The following SRGAP3 variants were observed in gnomAD, a reference collection of about 807,000 sequenced individuals.
The protein encoded by SRGAP3 is SLIT-ROBO Rho GTPase-activating protein 3.
In SRGAP3, 39 loss-of-function variants were observed where a neutral mutation model predicts 121.1. That is an observed-to-expected ratio of 0.32 (90% CI 0.25 to 0.42). SRGAP3 has a LOEUF of 0.42. SRGAP3 is among the 10% of genes least tolerant of loss of function. The pLI, the probability that SRGAP3 is intolerant of heterozygous loss-of-function variation, is 1.00. For missense variants in SRGAP3, 1,213 were observed against 1,470.6 expected (o/e 0.82, Z 2.86); for synonymous variants, 601 against 570.0 (o/e 1.05, Z -0.77).
chr3:9,027,563 T>G (rs1231932035), intron 12 of SRGAP3, among the ~76,000 whole-genome samples: 1 of 152,158 alleles, frequency 6.6e-6, no homozygotes, highest in Non-Finnish European at 1.5e-5. Context: ...AGTAAACATG[T>G]CACAGGGAAA....
chr3:9,286,738 G>C (rs1027323280), intron 3 of SRGAP3, among the ~76,000 whole-genome samples: 2 of 149,652 alleles, frequency 1.3e-5, no homozygotes, highest in South Asian at 4.3e-4. Context: ...GAGTAGCTGG[G>C]ACTACAGGCG....
At position 9,322,449 on chromosome 3, in the gene SRGAP3, GGCC is replaced by G. The variant is rs531587351; in HGVS notation, n.442+3558_442+3560del. Among the ~76,000 whole-genome samples, 37 of 151,878 alleles carry G rather than the reference GGCC, an allele frequency of 2.4e-4. 1 individual carries two copies. In the East Asian group the frequency reaches 6.8e-3, roughly 28 times the overall value. On this transcript the variant is annotated intron_variant and non_coding_transcript_variant, in intron 3 of 3. Transcript: ENST00000490889. ...TTAATACAGGGGTCCCCAACCCCTG[GGCC>G]GTGGACTGGTGCCAGTCCCCGTGGC...
chr3:9,347,834 T>C (rs1955934789), intron 1 of SRGAP3, among the ~76,000 whole-genome samples: 1 of 152,216 alleles, frequency 6.6e-6, no homozygotes, highest in African/African-American at 2.4e-5. Flanking sequence ...CGACAGGGAT[T>C]CTGTAATGTT....
chr3:9,232,614 C>G (rs930488685), intron 1 of SRGAP3, among the ~76,000 whole-genome samples: 57 of 152,102 alleles, frequency 3.7e-4, no homozygotes, highest in African/African-American at 1.3e-3. Flanking sequence ...ATTAAATGTT[C>G]TTTTGCTTTC....
In SRGAP3 at chr3:9,239,712, G is replaced by A. The variant is rs552815583; in HGVS notation, c.67+9173C>T. 6.6e-6 allele frequency among the ~76,000 whole-genome samples: 1 copy of A among 152,304 alleles called. No homozygotes were observed. Among genetic ancestry groups the A allele is most frequent in the African/African-American group, 2.4e-5 (1 of 41,560 alleles). ...ATTTAAATCAATGGTTGAGCACTCT[G>A]TAATTGGAAATGTCAAAATCCACAT... On this transcript the variant is annotated intron_variant, in intron 1 of 21. Coordinates refer to ENST00000383836, the MANE Select transcript of SRGAP3 (RefSeq NM_014850.4). This position sits in a 1 kb window ranked among gnomAD's most constrained non-coding sequence, Gnocchi z 4.0.
intron 3 of SRGAP3, among the ~76,000 whole-genome samples, chr3:9,297,587 G>C (rs1306895326): frequency 6.6e-6 from 1 of 151,888 alleles, no homozygotes; most frequent in Non-Finnish European, 1.5e-5. Flanking sequence ...AACATGACCT[G>C]TTTCCTTAAA....
intron 1 of SRGAP3, among the ~76,000 whole-genome samples, chr3:9,201,371 T>C (rs536718886): frequency 6.6e-6 from 1 of 152,232 alleles, no homozygotes; most frequent in Non-Finnish European, 1.5e-5. Flanking sequence ...AGGCAGATGT[T>C]CAGCCAAATT....
chr3:9,306,245 C>T (rs1182669879), intron 3 of SRGAP3, among the ~76,000 whole-genome samples: 1 of 152,172 alleles, frequency 6.6e-6, no homozygotes, highest in East Asian at 1.9e-4. Context: ...CCTTTGCCCA[C>T]TTTTTGATGG....
At chr3:9,291,525 T>C (rs1262933814) in intron 3 of SRGAP3, among the ~76,000 whole-genome samples, 2 of 152,084 alleles carry the variant, frequency 1.3e-5, no homozygotes, top group African/African-American at 4.8e-5. Flanking sequence ...CAATGGTGTA[T>C]ATATCTATGG....
At chr3:9,295,520 G>T (rs930959267) in intron 3 of SRGAP3, among the ~76,000 whole-genome samples, 5 of 152,110 alleles carry the variant, frequency 3.3e-5, no homozygotes, top group Non-Finnish European at 5.9e-5. Flanking sequence ...CATCCTGAGA[G>T]CCCACTAAAA....
In SRGAP3 at chr3:9,013,501, G is replaced by A; in HGVS notation, c.1954C>T (p.Pro652Ser). 1 of 1,614,126 alleles carries A rather than the reference G, an allele frequency of 6.2e-7. No individual in the cohort carries two copies. Among genetic ancestry groups the A allele is most frequent in the Non-Finnish European group, 8.5e-7 (1 of 1,180,026 alleles). The change falls in exon 17 of 22, where the codon CCC (proline) becomes TCC (serine). Residue 652 changes from proline to serine, a missense_variant. By Grantham distance (74) the Pro-to-Ser change is moderately conservative. Transcript: ENST00000383836. The stretch of plus-strand genomic sequence containing the variant: ...CCGAAGCAGATGGCCAGGTTGTAGG[G>A]ATCCATCATGTTCTCGTCGCTATAC... Reference protein sequence around the residue: ...SQYSDENMMDPYNLAICFGPT... With the variant: ...SQYSDENMMDSYNLAICFGPT...
Position 9,172,052 on chromosome 3 carries a change from G to C in SRGAP3, c.68-47135C>G, listed in dbSNP as rs144793897. Among the ~76,000 whole-genome samples the C allele has an allele frequency of 7.6e-3, 1,123 of 148,006 alleles. 14 individuals carry two copies. Among genetic ancestry groups the C allele is most frequent in the African/African-American group, 0.026 (1,064 of 40,232 alleles). The stretch of plus-strand genomic sequence containing the variant: ...ATGTCCCAATTCTCCCTTTTTATTA[G>C]TTAGAATGGATTAGGGCCTTTCCAA... On this transcript the variant is annotated intron_variant, in intron 1 of 21. Transcript: ENST00000383836.
intron 3 of SRGAP3, among the ~76,000 whole-genome samples, chr3:9,317,370 G>C (rs1446815654): frequency 6.6e-6 from 1 of 152,202 alleles, no homozygotes; most frequent in Non-Finnish European, 1.5e-5. Flanking sequence ...TGAAGATTTG[G>C]TAAAGGTTTT....
intron 14 of SRGAP3, among the ~76,000 whole-genome samples, chr3:9,021,241 C>T (rs545512259): frequency 2.6e-5 from 4 of 152,368 alleles, no homozygotes; most frequent in African/African-American, 7.2e-5. Context: ...CGTAGATATG[C>T]ACAGCGGGAG....
At chr3:8,991,898 A>G (rs1035590553) in intron 20 of SRGAP3, among the ~76,000 whole-genome samples, 2 of 152,200 alleles carry the variant, frequency 1.3e-5, no homozygotes, top group Non-Finnish European at 2.9e-5. Flanking sequence ...AAGAAAGAAC[A>G]AGAACAAAGG....
chr3:9,263,357 T>C (rs1954290591), intron 3 of SRGAP3, among the ~76,000 whole-genome samples: 1 of 150,800 alleles, frequency 6.6e-6, no homozygotes, highest in South Asian at 2.1e-4. Context: ...AGACGAGAAA[T>C]AACTAAGATC....
chr3:9,037,606 C>T (rs530391865), intron 11 of SRGAP3: 46 of 227,166 alleles, frequency 2.0e-4, no homozygotes, highest in African/African-American at 6.6e-4. Flanking sequence ...CCCAGCTGCG[C>T]GCAATCTGAG....
rs555378582 is a variant in SRGAP3, at chr3:9,143,468, C to T, written c.68-18551G>A. On this transcript the variant is annotated intron_variant, in intron 1 of 21. Transcript: ENST00000383836. ...AATGAAGGAGGCTGATGTAGATTGG[C>T]TTATCAGGGAAACAAATGGATAAAA... 2.6e-5 allele frequency among the ~76,000 whole-genome samples: 4 copies of T among 152,284 alleles called. No homozygotes were observed. The South Asian group carries it at 6.2e-4, about 24-fold the overall frequency.
intron 3 of SRGAP3, among the ~76,000 whole-genome samples, chr3:9,271,293 C>T (rs548860319): frequency 6.6e-6 from 1 of 152,308 alleles, no homozygotes; most frequent in Admixed American, 6.5e-5. Context: ...AAGATCACAC[C>T]ACCGCACTCC....
Sources: allele counts gnomAD v4.1 joint callset (sites outside exome capture counted in the v4.1 genomes callset), GRCh38; gene constraint gnomAD v4.1.1; non-coding constraint Gnocchi (gnomAD v3.1); transcripts MANE v1.5; gene names NCBI Gene and HGNC (gene_info 2026-07-23, HGNC 2026-07-21).